NEB: variants seen among roughly 807,000 people sequenced by gnomAD.
NEB encodes nemaline myopathy type 2.
Under a neutral mutation model 952.2 loss-of-function variants are expected in NEB, and 512 were observed. That is an observed-to-expected ratio of 0.54 (90% CI 0.50 to 0.58). The LOEUF (loss-of-function observed/expected upper bound fraction) is 0.58. Among genes scored for constraint, NEB ranks in the 20% least tolerant of loss-of-function variants. The pLI, the probability that NEB is intolerant of heterozygous loss-of-function variation, is 0.00. For missense variants in NEB, 8,428 were observed against 9,231.1 expected, an observed-to-expected ratio of 0.91 and a Z score of 3.56; for synonymous variants, 2,900 against 3,149.8, an observed-to-expected ratio of 0.92 and a Z score of 2.66.
chr2:151,644,151 C>T, intron 56 of NEB, 22 bp from the exon 57 acceptor site: 1 of 1,604,222 alleles, frequency 6.2e-7, no homozygotes, highest in Non-Finnish European at 8.5e-7. Flanking sequence ...AAATGTGTCT[C>T]ATTCCTTTCA....
chr2:151,491,065 CTG>C (rs774020617), intron 179 of NEB: 134 of 145,546 alleles, frequency 9.2e-4, no homozygotes, highest in Non-Finnish European at 1.5e-3. Context: ...GATGGGGTCT[CTG>C]TTGCTCAGGC....
intron 174 of NEB, 58 bp downstream of exon 174, chr2:151,494,103 C>T: frequency 7.0e-7 from 1 of 1,420,078 alleles, no homozygotes; most frequent in Middle Eastern, 1.9e-4. Context: ...TAGGAGCAGG[C>T]CAAACTGCAA....
At position 151,663,115 on chromosome 2, in the gene NEB, G is replaced by GTA. The variant is rs1395773139; in HGVS notation, c.5763+431_5763+432dup. ...TCATCACCTTCTCAAAATTTCATTA[G>GTA]TAAGGCAGGCAATTGCAAAGTTAGA... is the stretch of plus-strand genomic sequence containing the variant. On this transcript the variant is annotated intron_variant, in intron 45 of 181. Transcript: ENST00000397345. Among the ~76,000 whole-genome samples, 3 of 152,290 alleles carry GTA rather than the reference G, an allele frequency of 2.0e-5. No homozygotes were observed. In the East Asian group the frequency reaches 5.8e-4, roughly 29 times the overall value.
chr2:151,552,755 A>C lies in NEB; in HGVS notation c.19753T>G (p.Leu6585Val). The change falls in exon 128 of 182, where the codon TTG (leucine) becomes GTG (valine). Residue 6585 changes from leucine to valine, a missense_variant. Leu to Val is a conservative substitution (Grantham distance 32, BLOSUM62 1). Around this residue, in one of 11 missense-constraint regions of NEB, gnomAD observed 3,374 missense variants for 3,651.5 expected, o/e 0.92. Transcript: ENST00000397345. ...RDDIKYKAHM[L>V]KTRNDYKLVT... ...AGCTTGTAGTCATTCCTTGTTTTCA[A>C]CATGTGAGCTTTATACTTGATCTGC... 4.3e-6 allele frequency: 7 copies of C among 1,612,922 alleles called. No homozygotes were observed. Among genetic ancestry groups the C allele is most frequent in the Non-Finnish European group, 5.9e-6 (7 of 1,179,316 alleles).
chr2:151,708,913 C>T (rs1439947826), intron 12 of NEB, among the ~76,000 whole-genome samples: 1 of 152,244 alleles, frequency 6.6e-6, no homozygotes, highest in Non-Finnish European at 1.5e-5. Flanking sequence ...TTATCACCTG[C>T]CCTGCTACCC....
In NEB at chr2:151,650,698, A is replaced by G; in HGVS notation, c.7103T>C (p.Leu2368Pro). 6.2e-7 allele frequency: 1 copy of G among 1,613,960 alleles called. No individual in the cohort carries two copies. Among genetic ancestry groups the G allele is most frequent in the Non-Finnish European group, 8.5e-7 (1 of 1,179,860 alleles). The change falls in exon 53 of 182, where the codon CTG (leucine) becomes CCG (proline). Residue 2368 changes from leucine to proline, a missense_variant. Coordinates refer to ENST00000397345, the MANE Select transcript of NEB (RefSeq NM_001164508.2). ...SSPVDMLGVV[L>P]AKKCQELVSD... Reference sequence around the variant, plus strand: ...AACCAACTCCTGACACTTCTTGGCCAGTACCACTCCCAACATGTCCACTGG... The same window carrying G: ...AACCAACTCCTGACACTTCTTGGCCGGTACCACTCCCAACATGTCCACTGG...
Position 151,563,668 on chromosome 2 carries a change from T to C in NEB, c.18631A>G (p.Lys6211Glu). Residue 6211 changes from lysine to glutamate, a missense_variant, in exon 119 of 182, where the codon AAA (lysine) becomes GAA (glutamate). By Grantham distance (56) the Lys-to-Glu change is moderately conservative (BLOSUM62 1). Transcript: ENST00000397345. ...EKQKGHYLAG[K>E]VIGEFPGVVH... ...ACACCAGGGAATTCACCGATCACTTTTCCAGCCAGGTAGTGACCTTTCTGC... is the reference window on the plus strand; with the variant it reads ...ACACCAGGGAATTCACCGATCACTTCTCCAGCCAGGTAGTGACCTTTCTGC... The C allele has an allele frequency of 2.5e-6, 4 of 1,613,892 alleles. No individual in the cohort carries two copies. The highest frequency in any genetic ancestry group is 3.4e-6 in the Non-Finnish European group (4 of 1,179,784).
chr2:151,662,032 T>C (rs1438302580), intron 46 of NEB, 103 bp downstream of exon 46: 2 of 914,624 alleles, frequency 2.2e-6, no homozygotes, highest in Admixed American at 2.9e-5. Context: ...TAACCTCAAG[T>C]GTGATGCCCT....
chr2:151,563,926 A>G lies in NEB; in HGVS notation c.18476T>C (p.Leu6159Pro). 6.2e-7 allele frequency: 1 copy of G among 1,601,362 alleles called. No homozygotes were observed. Among genetic ancestry groups the G allele is most frequent in the Non-Finnish European group, 8.5e-7 (1 of 1,173,138 alleles). ...KDMGKLYSTI[L>P]YKGAWEGTKA... The stretch of plus-strand genomic sequence containing the variant: ...GGTGCCCTCCCACGCCCCTTTATAC[A>G]GTATCTAGAACAAAGAAATACATGG... The change falls in exon 118 of 182, where the codon CTG becomes CCG. Residue 6159 changes from leucine (L) to proline (P), a missense_variant. Leu to Pro is a moderately conservative substitution (Grantham distance 98). Coordinates refer to ENST00000397345, the MANE Select transcript of NEB (RefSeq NM_001164508.2).
chr2:151,561,116 C>T lies in NEB; in HGVS notation c.19102-8G>A, dbSNP rs768233572. ...ATTTTCTTTATATTTTACCTGTAGA[C>T]AAGCAACAATAGGTTATTCACCTCT... On this transcript the variant is annotated splice_region_variant and splice_polypyrimidine_tract_variant and intron_variant, in intron 122 of 181. Coordinates refer to ENST00000397345, the MANE Select transcript of NEB (RefSeq NM_001164508.2). 5 of 1,567,250 alleles carry T rather than the reference C, an allele frequency of 3.2e-6. No individual in the cohort carries two copies. In the East Asian group the frequency reaches 1.1e-4, roughly 35 times the overall value.
intron 113 of NEB, 106 bp from the exon 114 acceptor site, chr2:151,567,585 T>C (rs1471086572): frequency 1.0e-6 from 1 of 981,254 alleles, no homozygotes; most frequent in Non-Finnish European, 1.5e-6. Context: ...CCCCCAGCTT[T>C]TTGTTTGACA....
In NEB at chr2:151,626,720, T is replaced by A. The variant is rs186455653; in HGVS notation, c.10347+282A>T. ...CCCGGCTAATTTTTTGTATTTTTAG[T>A]AGAGACAGGGTTTCACCGTGGTCTC... On this transcript the variant is annotated intron_variant, in intron 70 of 181. Transcript: ENST00000397345. 6.3e-3 allele frequency among the ~76,000 whole-genome samples: 956 copies of A among 152,230 alleles called. 2 individuals are homozygous for A. Among genetic ancestry groups the A allele is most frequent in the African/African-American group, 0.022 (903 of 41,534 alleles).
Position 151,535,727 on chromosome 2 carries a change from A to G in NEB, c.21276T>C (p.Asn7092=), listed in dbSNP as rs780045200. The G allele has an allele frequency of 9.9e-6, 16 of 1,609,552 alleles. No individual in the cohort carries two copies. Among genetic ancestry groups the G allele is most frequent in the African/African-American group, 4.0e-5 (3 of 74,880 alleles). ...DFKYVADSPI[N]RHFKYATQLM... The stretch of plus-strand genomic sequence containing the variant: ...ATTGAGTTGCATACTTGAAATGCCT[A>G]TTGATCGGAGAGTCGGCAACATACT... Residue 7092 remains asparagine, a synonymous_variant, in exon 142 of 182, where the codon AAT becomes AAC. Coordinates refer to ENST00000397345, the MANE Select transcript of NEB (RefSeq NM_001164508.2).
Position 151,633,849 on chromosome 2 carries a change from C to G in NEB, c.9219G>C (p.Arg3073Ser). ...SMHVAKIQSD[R>S]EYKKDFEKWK... ...ACTTCTCAAAGTCCTTTTTGTACTC[C>G]CTGTCACTCTGGATCTTGGCTACGT... The change falls in exon 65 of 182, where the codon AGG becomes AGC. Residue 3073 changes from arginine to serine, a missense_variant. Physicochemically the swap from Arg to Ser is moderately radical, Grantham distance 110 (BLOSUM62 -1). Around this residue, in one of 11 missense-constraint regions of NEB, gnomAD observed 1,772 missense variants for 1,960.3 expected, o/e 0.90. Transcript: ENST00000397345. 5 of 1,613,992 alleles carry G rather than the reference C, an allele frequency of 3.1e-6. No homozygotes were observed. Among genetic ancestry groups the G allele is most frequent in the Non-Finnish European group, 4.2e-6 (5 of 1,179,878 alleles).
chr2:151,592,349 CAAAATG>C (rs1363813520), intron 94 of NEB, among the ~76,000 whole-genome samples: 15 of 142,856 alleles, frequency 1.1e-4, no homozygotes. Flanking sequence ...AAATAATAAG[CAAAATG>C]AAAAGTTCTT....
Position 151,665,551 on chromosome 2 carries a change from G to GA in NEB, c.5032-13dup, listed in dbSNP as rs148862132. 3.8e-4 allele frequency: 585 copies of GA among 1,542,096 alleles called. 1 individual carries two copies. Among genetic ancestry groups the GA allele is most frequent in the Non-Finnish European group, 4.6e-4 (529 of 1,141,432 alleles). On this transcript the variant is annotated splice_polypyrimidine_tract_variant and intron_variant, in intron 41 of 181. Transcript: ENST00000397345. ...GATTTGTACAGATTCTTTACAATGA[G>GA]AAAAAAAATTTCATTTCAGAAAGAG... is the stretch of plus-strand genomic sequence containing the variant.
chr2:151,717,525 T>A lies in NEB; in HGVS notation c.718-5A>T, dbSNP rs1237928922. On this transcript the variant is annotated splice_region_variant and splice_polypyrimidine_tract_variant and intron_variant, in intron 9 of 181. Transcript: ENST00000397345. ...GAGACCTTTTTTGTAGGCAACCTGATGAAATAAAAGACAGGGATGTATTTT... is the reference window on the plus strand; with the variant it reads ...GAGACCTTTTTTGTAGGCAACCTGAAGAAATAAAAGACAGGGATGTATTTT... The A allele has an allele frequency of 1.2e-6, 2 of 1,604,432 alleles. No homozygotes were observed. Among genetic ancestry groups the A allele is most frequent in the African/African-American group, 1.3e-5 (1 of 74,788 alleles).
chr2:151,640,100 C>T lies in NEB; in HGVS notation c.8686-40G>A, dbSNP rs1398474391. 3.8e-6 allele frequency: 6 copies of T among 1,580,228 alleles called. No homozygotes were observed. The East Asian group carries it at 9.0e-5, about 24-fold the overall frequency. On this transcript the variant is annotated intron_variant, in intron 61 of 181. Transcript: ENST00000397345. ...AGCCAATAAATATTTATCTCTGTAT[C>T]AGCAATGCATTTTCATCTGAAGGAT...
At chr2:151,534,520 T>C (rs16830174) in intron 142 of NEB, among the ~76,000 whole-genome samples, 1,538 of 152,180 alleles carry the variant, frequency 0.01, 29 homozygotes, top group African/African-American at 0.031. Context: ...GTGGGATAGG[T>C]CAGATTTATG....
Sources: gnomAD v4.1 joint callset for allele counts (sites outside exome capture counted in the v4.1 genomes callset) on GRCh38, gnomAD v4.1.1 for gene constraint, gnomAD v4.1.1 regional missense constraint, MANE v1.5 for transcripts, NCBI Gene and HGNC (gene_info 2026-07-23, HGNC 2026-07-21) for gene names.